The following PHIP variants were observed in gnomAD, a reference collection of about 807,000 sequenced individuals.
PHIP encodes the protein PHIP subunit of CUL4-Ring ligase complex.
A neutral mutation model predicts 236.8 loss-of-function variants in PHIP; 54 were observed. That is an observed-to-expected ratio of 0.23 (90% CI 0.18 to 0.29). The LOEUF (loss-of-function observed/expected upper bound fraction) is 0.29. Ranked by LOEUF, PHIP falls within the 10% of genes least tolerant of loss-of-function variation. PHIP has a pLI of 1.00. For synonymous variants in PHIP, 756 were observed against 718.9 expected (o/e 1.05, Z -0.83); for missense variants, 1,370 against 2,190.8 (o/e 0.63, Z 7.48).
Position 79,078,162 on chromosome 6 carries a change from T to C in PHIP, c.-94A>G. 1 of 1,270,928 alleles carries C rather than the reference T, an allele frequency of 7.9e-7. No individual in the cohort carries two copies. The highest frequency in any genetic ancestry group is 1.1e-6 in the Non-Finnish European group (1 of 905,652). 78.7% of individuals were successfully genotyped at this position (1,270,928 alleles called of 1,614,324 possible). ...CGCCTGCCCTATAGCTGTCAGTGTGTGTTCACGAGCCGAGCTTCGGCTCCA... is the reference window on the plus strand; with the variant it reads ...CGCCTGCCCTATAGCTGTCAGTGTGCGTTCACGAGCCGAGCTTCGGCTCCA... On this transcript the variant is annotated 5_prime_UTR_variant, in exon 1 of 40. Coordinates refer to ENST00000275034, the MANE Select transcript of PHIP (RefSeq NM_017934.7).
At chr6:78,958,229 T>G (rs1766552173) in intron 32 of PHIP, 1 of 320,802 alleles carries the variant, frequency 3.1e-6, no homozygotes, top group East Asian at 5.2e-5. Context: ...AATTTTAACC[T>G]TAAAACACAA....
At chr6:78,975,693 A>C (rs1310183888) in intron 24 of PHIP, among the ~76,000 whole-genome samples, 1 of 152,214 alleles carries the variant, frequency 6.6e-6, no homozygotes, top group Admixed American at 6.5e-5. Context: ...ATACAAAATC[A>C]ATGTGCAAAA....
chr6:79,056,728 G>A (rs1160056025), intron 6 of PHIP, among the ~76,000 whole-genome samples: 1 of 152,070 alleles, frequency 6.6e-6, no homozygotes, highest in East Asian at 1.9e-4. Flanking sequence ...AAAAAACCCT[G>A]GTTAGAATCT....
chr6:79,077,336 G>A (rs1368001981), intron 4 of PHIP, 112 bp downstream of exon 4: 3 of 1,007,150 alleles, frequency 3.0e-6, no homozygotes, highest in African/African-American at 1.6e-5. Flanking sequence ...CATGGCCTTT[G>A]GAGCTTTCAC....
rs1398111839 is a variant in PHIP, at chr6:78,972,254, T to C, written c.2890-1366A>G. 7.9e-5 allele frequency among the ~76,000 whole-genome samples: 12 copies of C among 152,170 alleles called. No individual in the cohort carries two copies. In the South Asian group the frequency reaches 1.0e-3, roughly 13 times the overall value. On this transcript the variant is annotated intron_variant, in intron 24 of 39. Transcript: ENST00000275034. ...TGAGCAGCCTAACTGGGAGGCACCC[T>C]CCAGCAGGGGCACACTGACACCTCA...
intron 27 of PHIP, 61 bp downstream of exon 27, chr6:78,969,774 A>G: frequency 1.3e-6 from 1 of 742,280 alleles, no homozygotes; most frequent in Non-Finnish European, 2.2e-6. Flanking sequence ...AAAATAGTAA[A>G]TCACTTACTA....
chr6:79,077,948 C>A, intron 1 of PHIP, 35 bp from the exon 2 acceptor site: 2 of 1,589,382 alleles, frequency 1.3e-6, no homozygotes, highest in South Asian at 1.1e-5. Flanking sequence ...GACACACAGG[C>A]TGAGCGGTCG....
At chr6:79,064,822 T>A (rs1347961337) in intron 4 of PHIP, among the ~76,000 whole-genome samples, 1 of 152,204 alleles carries the variant, frequency 6.6e-6, no homozygotes, top group African/African-American at 2.4e-5. Context: ...ATAACAATGA[T>A]TGCCAAATTT....
At chr6:79,075,256 T>TAG (rs1554215176) in intron 4 of PHIP, among the ~76,000 whole-genome samples, 1 of 152,088 alleles carries the variant, frequency 6.6e-6, no homozygotes, top group Non-Finnish European at 1.5e-5. Flanking sequence ...CTCACACACC[T>TAG]AGATATACAG....
intron 7 of PHIP, among the ~76,000 whole-genome samples, chr6:79,036,325 G>GT: frequency 6.6e-6 from 1 of 151,946 alleles, no homozygotes; most frequent in Non-Finnish European, 1.5e-5. Flanking sequence ...ATCTCCTCTC[G>GT]TATCTTCAAA....
rs10654924 is a variant in PHIP, at chr6:78,940,076, T to TAA, written c.*616_*617insTT. ...TTCCCTTCATCAGTACATTTTCTCT[T>TAA]GTTTGGCAGAAATGGAATAAAGCAA... On this transcript the variant is annotated 3_prime_UTR_variant, in exon 40 of 40. Coordinates refer to ENST00000275034, the MANE Select transcript of PHIP (RefSeq NM_017934.7). The TAA allele has an allele frequency of 0.89, 136,161 of 152,314 alleles. 60,890 individuals are homozygous for TAA. The highest frequency in any genetic ancestry group is 0.9 in the Admixed American group (13,784 of 15,248). The allele number at this position is 152,314 out of a possible 1,614,324, so 9.4% of individuals were successfully genotyped here. A position where few individuals can be genotyped will look rare whatever the true frequency, so the allele number is the denominator to read the frequency against.
intron 13 of PHIP, among the ~76,000 whole-genome samples, chr6:79,016,283 G>GA (rs1044609868): frequency 1.3e-5 from 2 of 151,694 alleles, no homozygotes; most frequent in African/African-American, 4.8e-5. Flanking sequence ...TCTGGTTTCT[G>GA]AAAAAAATAT....
intron 4 of PHIP, among the ~76,000 whole-genome samples, chr6:79,076,246 G>A (rs1000094732): frequency 3.3e-5 from 5 of 152,138 alleles, no homozygotes; most frequent in African/African-American, 1.2e-4. Context: ...ATCATGTCCT[G>A]CTTTCACCTC....
At position 79,060,679 on chromosome 6, in the gene PHIP, C is replaced by T. The variant is rs1562217773; in HGVS notation, c.329G>A (p.Arg110His). The T allele has an allele frequency of 1.2e-6, 2 of 1,610,898 alleles. No homozygotes were observed. Among genetic ancestry groups the T allele is most frequent in the Non-Finnish European group, 1.7e-6 (2 of 1,178,734 alleles). The change falls in exon 5 of 40, where the codon CGC (arginine) becomes CAC (histidine). Residue 110 changes from arginine (R) to histidine (H), a missense_variant. Coordinates refer to ENST00000275034, the MANE Select transcript of PHIP (RefSeq NM_017934.7). The stretch of plus-strand genomic sequence containing the variant: ...GAAAATTTTCATACTTTTATTTGTG[C>T]GTAGTAAAGACTGTCTTCCAGCTCC... ...LLGAGRQSLL[R>H]TNKSCKHVVW...
intron 18 of PHIP, 66 bp downstream of exon 18, chr6:78,998,188 C>A: frequency 7.8e-7 from 1 of 1,287,944 alleles, no homozygotes. Flanking sequence ...AACCACTTAA[C>A]ACTGTGGGAG....
chr6:79,032,893 T>C (rs1177654864), intron 7 of PHIP, among the ~76,000 whole-genome samples: 2 of 152,076 alleles, frequency 1.3e-5, no homozygotes. Flanking sequence ...ATATGAAATG[T>C]ATTTCTTAAA....
intron 22 of PHIP, among the ~76,000 whole-genome samples, chr6:78,983,506 C>A (rs2127718884): frequency 6.6e-6 from 1 of 152,140 alleles, no homozygotes; most frequent in East Asian, 1.9e-4. Context: ...CCCTGGAGAG[C>A]ACAGAAGGTG....
chr6:79,026,168 A>G lies in PHIP; in HGVS notation c.601-4T>C, dbSNP rs202141638. On this transcript the variant is annotated splice_polypyrimidine_tract_variant and splice_region_variant and intron_variant, in intron 7 of 39. Coordinates refer to ENST00000275034, the MANE Select transcript of PHIP (RefSeq NM_017934.7). ...TCACAAGACAGTCATCAGAACCCTTAAAGTAAGAATGGATATTAATAGAAT... is the reference window on the plus strand; with the variant it reads ...TCACAAGACAGTCATCAGAACCCTTGAAGTAAGAATGGATATTAATAGAAT... 6.8e-5 allele frequency: 109 copies of G among 1,599,472 alleles called. No homozygotes were observed. The East Asian group carries it at 1.9e-3, about 28-fold the overall frequency.
chr6:79,027,006 A>AT (rs1161289194), intron 7 of PHIP, among the ~76,000 whole-genome samples: 3 of 152,062 alleles, frequency 2.0e-5, no homozygotes, highest in Non-Finnish European at 4.4e-5. Flanking sequence ...ATTACTGAAT[A>AT]TTTTACAGGA....
Sources: allele counts gnomAD v4.1 joint callset (sites outside exome capture counted in the v4.1 genomes callset), GRCh38; gene constraint gnomAD v4.1.1; transcripts MANE v1.5; gene names NCBI Gene and HGNC (gene_info 2026-07-23, HGNC 2026-07-21).